Variants in WSCD2 observed in about 807,000 individuals in gnomAD.
The protein encoded by WSCD2 is sialate:O-sulfotransferase 2.
Under a neutral mutation model 55.7 loss-of-function variants are expected in WSCD2, and 28 were observed. The observed-to-expected ratio is 0.50, with a 90% CI of 0.37 to 0.69. The LOEUF (loss-of-function observed/expected upper bound fraction) is 0.69. Among genes scored for constraint, WSCD2 ranks in the 30% least tolerant of loss-of-function variants. The pLI is 0.00. For missense variants in WSCD2, 616 were observed against 762.1 expected (o/e 0.81, Z 2.26); for synonymous variants, 301 against 301.9 (o/e 1.00, Z 0.03).
chr12:108,224,001 C>G (rs1481255843), intron 4 of WSCD2, among the ~76,000 whole-genome samples: 1 of 152,194 alleles, frequency 6.6e-6, no homozygotes, highest in Non-Finnish European at 1.5e-5. Flanking sequence ...GAGAGCACAC[C>G]TTCAATGAAA....
Position 108,248,060 on chromosome 12 carries a change from G to T in WSCD2, c.1415G>T (p.Gly472Val), listed in dbSNP as rs1334011192. 6.2e-7 allele frequency: 1 copy of T among 1,614,086 alleles called. No homozygotes were observed. The highest frequency in any genetic ancestry group is 1.7e-5 in the Admixed American group (1 of 60,012). The change falls in exon 9 of 9, where the codon GGC (glycine) becomes GTC (valine). Residue 472 changes from glycine (G) to valine (V), a missense_variant. Physicochemically the swap from Gly to Val is moderately radical, Grantham distance 109. Transcript: ENST00000547525. This position sits in a 1 kb window ranked among gnomAD's most constrained non-coding sequence, Gnocchi z 4.3. The part of the protein sequence containing the change: ...ATHTLDWLKF[G>V]KKVLVVHFED... ...CACACACTGGACTGGCTCAAGTTTG[G>T]CAAGAAGGTGCTGGTGGTGCACTTT...
At chr12:108,181,916 G>A (rs916900148) in intron 1 of WSCD2, among the ~76,000 whole-genome samples, 35 of 152,326 alleles carry the variant, frequency 2.3e-4, no homozygotes, top group Admixed American at 7.2e-4. Flanking sequence ...CTGCCAATAC[G>A]CAGATGCTTT....
chr12:108,233,049 C>G, intron 7 of WSCD2, 154 bp downstream of exon 7: 1 of 976,638 alleles, frequency 1.0e-6, no homozygotes, highest in African/African-American at 1.6e-5. Flanking sequence ...TGCTTGGTAC[C>G]CCCCCACCTT....
intron 1 of WSCD2, among the ~76,000 whole-genome samples, chr12:108,157,161 T>G (rs1878601572): frequency 6.6e-6 from 1 of 152,246 alleles, no homozygotes; most frequent in Non-Finnish European, 1.5e-5. Flanking sequence ...TTTGTCTTAA[T>G]AGACTTTATT....
intron 1 of WSCD2, among the ~76,000 whole-genome samples, chr12:108,177,982 A>T (rs1421773927): frequency 1.3e-5 from 2 of 152,092 alleles, no homozygotes; most frequent in Admixed American, 1.3e-4. Flanking sequence ...ATTCTCTCTC[A>T]TTAAAAAAAA....
chr12:108,140,439 G>T (rs1235216970), intron 1 of WSCD2, among the ~76,000 whole-genome samples: 2 of 152,154 alleles, frequency 1.3e-5, no homozygotes, highest in Non-Finnish European at 2.9e-5. Flanking sequence ...GAGGCATGGG[G>T]ATTCTCTGGT....
At chr12:108,160,411 A>G (rs1243639667) in intron 1 of WSCD2, among the ~76,000 whole-genome samples, 6 of 152,340 alleles carry the variant, frequency 3.9e-5, no homozygotes, top group African/African-American at 1.4e-4. Context: ...CTGTAGAGGA[A>G]TCATGACACT....
chr12:108,173,747 C>T (rs986021129), intron 1 of WSCD2, among the ~76,000 whole-genome samples: 1 of 151,190 alleles, frequency 6.6e-6, no homozygotes, highest in Middle Eastern at 3.2e-3. Context: ...CACACACAGT[C>T]GGCCTTTATT....
chr12:108,129,313 G>A lies in WSCD2; in HGVS notation c.-1165G>A, dbSNP rs1592851081. On this transcript the variant is annotated 5_prime_UTR_variant, in exon 1 of 9. Transcript: ENST00000547525. ...GAGGCGCGCTGCTGGTGGCGGCGGC[G>A]GCAGCGGCGCGGGAGCTAGGGCTGG... is the stretch of plus-strand genomic sequence containing the variant. Among the ~76,000 whole-genome samples the A allele has an allele frequency of 6.6e-6, 1 of 152,226 alleles. No individual in the cohort carries two copies. Among genetic ancestry groups the A allele is most frequent in the Admixed American group, 6.5e-5 (1 of 15,302 alleles).
intron 1 of WSCD2, among the ~76,000 whole-genome samples, chr12:108,145,911 A>G (rs1248340253): frequency 6.6e-6 from 1 of 152,226 alleles, no homozygotes; most frequent in East Asian, 1.9e-4. Flanking sequence ...AATGCTCAAA[A>G]GAGAAGCTAA....
At chr12:108,178,286 C>G (rs1881165800) in intron 1 of WSCD2, among the ~76,000 whole-genome samples, 1 of 152,144 alleles carries the variant, frequency 6.6e-6, no homozygotes, top group South Asian at 2.1e-4. Flanking sequence ...TGTAAGGACA[C>G]TTATGAAAGG....
chr12:108,137,591 C>T (rs1876354069), intron 1 of WSCD2, among the ~76,000 whole-genome samples: 2 of 152,224 alleles, frequency 1.3e-5, no homozygotes, highest in Admixed American at 1.3e-4. Flanking sequence ...AGAATGACAG[C>T]TTGGGGGAAT....
At chr12:108,212,892 C>A (rs1045078572) in intron 4 of WSCD2, among the ~76,000 whole-genome samples, 2 of 152,130 alleles carry the variant, frequency 1.3e-5, no homozygotes, top group Non-Finnish European at 2.9e-5. Context: ...CACCGTTGTT[C>A]CGAATCATCG....
intron 1 of WSCD2, among the ~76,000 whole-genome samples, chr12:108,155,274 G>A (rs1878403372): frequency 6.6e-6 from 1 of 152,224 alleles, no homozygotes; most frequent in Non-Finnish European, 1.5e-5. Context: ...TATGGGGGTA[G>A]TGTTAGGGGC....
At chr12:108,220,615 G>C (rs1289134860) in intron 4 of WSCD2, among the ~76,000 whole-genome samples, 1 of 152,130 alleles carries the variant, frequency 6.6e-6, no homozygotes, top group Non-Finnish European at 1.5e-5. Context: ...TTGCAGCCTC[G>C]ACTGCCTGGG....
chr12:108,248,433 C>T lies in WSCD2; in HGVS notation c.*90C>T. On this transcript the variant is annotated 3_prime_UTR_variant, in exon 9 of 9. Coordinates refer to ENST00000547525, the MANE Select transcript of WSCD2 (RefSeq NM_014653.4). The surrounding 1 kb of genome is among the most constrained non-coding windows in gnomAD (Gnocchi z 4.3). ...CCCTGGTTACCCCCACTCATCTGTC[C>T]TCTCTTTGGTCTGGGGACAATCCCC... The T allele has an allele frequency of 1.3e-6, 2 of 1,492,176 alleles. No homozygotes were observed. Among genetic ancestry groups the T allele is most frequent in the Non-Finnish European group, 1.8e-6 (2 of 1,120,600 alleles). The allele number at this position is 1,492,176 out of a possible 1,614,324, so 92.4% of individuals were successfully genotyped here.
Position 108,206,311 on chromosome 12 carries a change from G to A in WSCD2, c.405G>A (p.Leu135=). The change falls in exon 3 of 9, where the codon CTG becomes CTA. Residue 135 remains leucine (L), a synonymous_variant. Coordinates refer to ENST00000547525, the MANE Select transcript of WSCD2 (RefSeq NM_014653.4). ...EERAKYIGCY[L]DDTQSRALRG... ...AAGCCAAGTACATCGGCTGCTACCT[G>A]GATGACACCCAGAGTCGGGCCCTTC... 1.2e-6 allele frequency: 2 copies of A among 1,614,218 alleles called. No individual in the cohort carries two copies. The highest frequency in any genetic ancestry group is 1.7e-6 in the Non-Finnish European group (2 of 1,180,030).
At chr12:108,180,050 C>CAAA (rs59925486) in intron 1 of WSCD2, among the ~76,000 whole-genome samples, 1 of 116,672 alleles carries the variant, frequency 8.6e-6, no homozygotes, top group African/African-American at 3.2e-5. Flanking sequence ...CTCAAAAAAA[C>CAAA]AAAAAAAAAA....
intron 8 of WSCD2, 132 bp from the exon 9 acceptor site, chr12:108,247,859 T>C: frequency 9.3e-7 from 1 of 1,069,958 alleles, no homozygotes; most frequent in Middle Eastern, 3.1e-4. Context: ...ACCTGGCCTG[T>C]ATTATTACAG....
Sources: allele counts gnomAD v4.1 joint callset (sites outside exome capture counted in the v4.1 genomes callset), GRCh38; gene constraint gnomAD v4.1.1; non-coding constraint Gnocchi (gnomAD v3.1); transcripts MANE v1.5; gene names NCBI Gene and HGNC (gene_info 2026-07-23, HGNC 2026-07-21).